The following PTPN1 variants were observed in gnomAD, a reference collection of about 807,000 sequenced individuals.
The protein encoded by PTPN1 is protein tyrosine phosphatase non-receptor type 1, also known as tyrosine-protein phosphatase non-receptor type 1.
In PTPN1, 12 loss-of-function variants were observed where a neutral mutation model predicts 59.9. The ratio of observed to expected loss-of-function variants is 0.20; its 90% CI spans 0.13 to 0.32. The LOEUF (loss-of-function observed/expected upper bound fraction) is 0.32. Among genes scored for constraint, PTPN1 ranks in the 10% least tolerant of loss-of-function variants. The pLI is 1.00. For synonymous variants in PTPN1, 178 were observed against 203.6 expected (o/e 0.87, Z 1.07); for missense variants, 356 against 549.2 (o/e 0.65, Z 3.52).
At chr20:50,528,808 G>A (rs747327979) in intron 1 of PTPN1, among the ~76,000 whole-genome samples, 6 of 151,904 alleles carry the variant, frequency 3.9e-5, no homozygotes, top group Non-Finnish European at 7.4e-5. Flanking sequence ...TGAGAATGCT[G>A]TTTAGAAGGT....
In PTPN1 at chr20:50,568,281, G is replaced by A. The variant is rs897346392; in HGVS notation, c.256-99G>A. ...AGCCACCACTCTGCCTAAGCTGTGG[G>A]GACTGAGGGCGCTGTCGTTAGCTGA... On this transcript the variant is annotated intron_variant, in intron 3 of 9. Coordinates refer to ENST00000371621, the MANE Select transcript of PTPN1 (RefSeq NM_002827.4). This position sits in a 1 kb window ranked among gnomAD's most constrained non-coding sequence, Gnocchi z 5.6. 2.6e-5 allele frequency: 26 copies of A among 1,017,180 alleles called. No individual in the cohort carries two copies. Among genetic ancestry groups the A allele is most frequent in the Non-Finnish European group, 3.7e-5 (24 of 650,414 alleles). 63.0% of individuals were successfully genotyped at this position (1,017,180 alleles called of 1,614,324 possible). A position where few individuals can be genotyped will look rare whatever the true frequency, so the allele number is the denominator to read the frequency against.
Position 50,582,344 on chromosome 20 carries a change from A to C in PTPN1, c.1285-348A>C, listed in dbSNP as rs1051629284. Among the ~76,000 whole-genome samples the C allele has an allele frequency of 7.2e-5, 11 of 152,268 alleles. No homozygotes were observed. The highest frequency in any genetic ancestry group is 1.6e-4 in the Non-Finnish European group (11 of 68,044). On this transcript the variant is annotated intron_variant, in intron 9 of 9. Coordinates refer to ENST00000371621, the MANE Select transcript of PTPN1 (RefSeq NM_002827.4). The surrounding 1 kb of genome is among the most constrained non-coding windows in gnomAD (Gnocchi z 4.2). ...TCATTGGGAGAAGTGCCATTTCAGC[A>C]GAAATTCACACGTTAGACGTGTGTT...
intron 1 of PTPN1, among the ~76,000 whole-genome samples, chr20:50,544,886 A>C (rs1300134981): frequency 1.3e-5 from 2 of 152,142 alleles, no homozygotes; most frequent in Non-Finnish European, 2.9e-5. Flanking sequence ...CACACCTGTA[A>C]TCCCAGCTAC....
At chr20:50,527,775 C>T (rs554590976) in intron 1 of PTPN1, among the ~76,000 whole-genome samples, 1 of 152,270 alleles carries the variant, frequency 6.6e-6, no homozygotes, top group Non-Finnish European at 1.5e-5. Flanking sequence ...ATATTCCCTT[C>T]CCTGTTTTAA....
intron 4 of PTPN1, chr20:50,571,973 G>A (rs912414966): frequency 2.6e-5 from 4 of 152,092 alleles, no homozygotes; most frequent in Admixed American, 1.3e-4. Context: ...TTTTTCTCTC[G>A]TACTTAGTTC....
chr20:50,564,052 CATTATACTTGAACTTTAAAAAA>C (rs1042349084), intron 2 of PTPN1, among the ~76,000 whole-genome samples: 8 of 151,228 alleles, frequency 5.3e-5, no homozygotes, highest in African/African-American at 1.9e-4. Context: ...CATTGAAGTT[CATTATACTTGAACTTTAAAAAA>C]AAAAAACAAA....
At chr20:50,547,841 C>A (rs996950459) in intron 1 of PTPN1, among the ~76,000 whole-genome samples, 3 of 152,220 alleles carry the variant, frequency 2.0e-5, no homozygotes, top group African/African-American at 7.2e-5. Context: ...TAGCCACACA[C>A]ATATAAAGTG....
intron 1 of PTPN1, among the ~76,000 whole-genome samples, chr20:50,515,333 T>C (rs1328763067): frequency 6.6e-6 from 1 of 152,250 alleles, no homozygotes; most frequent in African/African-American, 2.4e-5. Flanking sequence ...GCTTGCATCT[T>C]CCAGCTCGAA....
Position 50,582,532 on chromosome 20 carries a change from G to C in PTPN1, c.1285-160G>C, listed in dbSNP as rs542808751. Among the ~76,000 whole-genome samples the C allele has an allele frequency of 6.6e-6, 1 of 152,330 alleles. No homozygotes were observed. Among genetic ancestry groups the C allele is most frequent in the East Asian group, 1.9e-4 (1 of 5,184 alleles). On this transcript the variant is annotated intron_variant, in intron 9 of 9. Coordinates refer to ENST00000371621, the MANE Select transcript of PTPN1 (RefSeq NM_002827.4). The surrounding 1 kb of genome is among the most constrained non-coding windows in gnomAD (Gnocchi z 4.2). The stretch of plus-strand genomic sequence containing the variant: ...TGCAAACAATTTTTTCCTTGGGGAT[G>C]ATTTTTGGGGAGAGGGGGCTACTGT...
intron 1 of PTPN1, among the ~76,000 whole-genome samples, chr20:50,549,491 C>G (rs2082692329): frequency 6.6e-6 from 1 of 152,150 alleles, no homozygotes; most frequent in South Asian, 2.1e-4. Context: ...AACCTTGCCC[C>G]AGACCACTGT....
chr20:50,577,598 G>A (rs1034178406), intron 5 of PTPN1: 4 of 152,350 alleles, frequency 2.6e-5, no homozygotes, highest in Non-Finnish European at 4.4e-5. Context: ...GAAGCCTCAA[G>A]GAAGGAGCAG....
chr20:50,574,154 G>A (rs2082824314), intron 4 of PTPN1: 1 of 187,972 alleles, frequency 5.3e-6, no homozygotes, highest in Admixed American at 6.3e-5. Flanking sequence ...AGCCTGATCA[G>A]GTCCTGGGTA....
chr20:50,568,268 G>A lies in PTPN1; in HGVS notation c.256-112G>A. On this transcript the variant is annotated intron_variant, in intron 3 of 9. Transcript: ENST00000371621. This position sits in a 1 kb window ranked among gnomAD's most constrained non-coding sequence, Gnocchi z 5.6. ...CTGTCCCAGCCTCAGCCACCACTCT[G>A]CCTAAGCTGTGGGGACTGAGGGCGC... 1 of 876,662 alleles carries A rather than the reference G, an allele frequency of 1.1e-6. No individual in the cohort carries two copies. The highest frequency in any genetic ancestry group is 1.9e-6 in the Non-Finnish European group (1 of 531,688). 54.3% of individuals were successfully genotyped at this position (876,662 alleles called of 1,614,324 possible). A position where few individuals can be genotyped will look rare whatever the true frequency, so the allele number is the denominator to read the frequency against.
intron 6 of PTPN1, 98 bp downstream of exon 6, chr20:50,578,727 A>C: frequency 1.0e-6 from 1 of 954,260 alleles, no homozygotes; most frequent in Non-Finnish European, 1.6e-6. Flanking sequence ...CTTCCAAAAT[A>C]CAGAGACTCA....
intron 1 of PTPN1, among the ~76,000 whole-genome samples, chr20:50,536,820 A>G (rs552668430): frequency 1.3e-5 from 2 of 152,208 alleles, no homozygotes; most frequent in Admixed American, 6.5e-5. Flanking sequence ...AGTCTTGATT[A>G]TATCTTTTTA....
At chr20:50,561,254 T>C in intron 1 of PTPN1, 109 bp from the exon 2 acceptor site, 1 of 833,774 alleles carries the variant, frequency 1.2e-6, no homozygotes, top group African/African-American at 1.7e-5. Context: ...TACCTCTGAA[T>C]TATCACCTTG....
At chr20:50,514,257 C>T (rs891590856) in intron 1 of PTPN1, among the ~76,000 whole-genome samples, 19 of 152,148 alleles carry the variant, frequency 1.2e-4, no homozygotes, top group Non-Finnish European at 7.4e-5. Context: ...AGTTATCTGC[C>T]GTTACTTCTC....
In PTPN1 at chr20:50,565,370, G is replaced by T. The variant is rs917151817; in HGVS notation, c.255+301G>T. On this transcript the variant is annotated intron_variant, in intron 3 of 9. Coordinates refer to ENST00000371621, the MANE Select transcript of PTPN1 (RefSeq NM_002827.4). ...CAGAGACAGCAGAGCCATGGCTGGA[G>T]GAGGGTCTGTACCTGTGTTGCTTCC... 2.6e-5 allele frequency among the ~76,000 whole-genome samples: 4 copies of T among 152,222 alleles called. 1 individual carries two copies. Among genetic ancestry groups the T allele is most frequent in the African/African-American group, 9.6e-5 (4 of 41,464 alleles).
intron 1 of PTPN1, among the ~76,000 whole-genome samples, chr20:50,543,283 A>G (rs1386071883): frequency 6.6e-6 from 1 of 152,240 alleles, no homozygotes; most frequent in Non-Finnish European, 1.5e-5. Context: ...AAGGAGCAGT[A>G]TTTATTTTAA....
Sources: allele counts gnomAD v4.1 joint callset (sites outside exome capture counted in the v4.1 genomes callset), GRCh38; gene constraint gnomAD v4.1.1; non-coding constraint Gnocchi (gnomAD v3.1); transcripts MANE v1.5; gene names NCBI Gene and HGNC (gene_info 2026-07-23, HGNC 2026-07-21).